Variants in MYO1C observed in about 807,000 individuals in gnomAD.
The protein encoded by MYO1C is myosin IC.
MYO1C carries 104 observed loss-of-function variants against 150.8 expected under a neutral mutation model. The ratio of observed to expected loss-of-function variants is 0.69; its 90% CI spans 0.59 to 0.81. MYO1C has a LOEUF of 0.81. Ranked by LOEUF, MYO1C falls within the 30% of genes least tolerant of loss-of-function variation. The probability of loss-of-function intolerance (pLI) is 0.00; values close to 1 mark genes in which losing one functional copy is unlikely to be tolerated. For missense variants in MYO1C, 1,504 were observed against 1,435.0 expected (o/e 1.05, Z -0.78); for synonymous variants, 663 against 579.9 (o/e 1.14, Z -2.06).
Position 1,471,102 on chromosome 17 carries a change from C to A in MYO1C, c.2181G>T (p.Glu727Asp). The A allele has an allele frequency of 6.2e-7, 1 of 1,614,164 alleles. No individual in the cohort carries two copies. The highest frequency in any genetic ancestry group is 8.5e-7 in the Non-Finnish European group (1 of 1,180,010). ...IRFPKTLFAT[E>D]DALEVRRQSL... ...TCTGCCGCCGGACCTCCAGGGCATC[C>A]TCTGTGGCAAACAGGGTCTTGGGGA... Residue 727 changes from glutamate to aspartate, a missense_variant, in exon 21 of 32, where the codon GAG (glutamate) becomes GAT (aspartate). Transcript: ENST00000648651.
intron 25 of MYO1C, chr17:1,469,150 CAGACCGGGGTAAACAGAGT>C (rs1221729436): frequency 1.9e-4 from 68 of 349,900 alleles, no homozygotes; most frequent in African/African-American, 2.8e-4. Flanking sequence ...GTAAATAGAG[CAGACCGGGGTAAACAGAGT>C]AGACCGGGGT....
At chr17:1,483,338 T>C (rs1416929332) in intron 3 of MYO1C, among the ~76,000 whole-genome samples, 2 of 150,672 alleles carry the variant, frequency 1.3e-5, no homozygotes, top group African/African-American at 4.9e-5. Flanking sequence ...GGGGGGGGTC[T>C]TTGCAGGTGG....
At chr17:1,489,379 C>T (rs139736728) in intron 1 of MYO1C, among the ~76,000 whole-genome samples, 3 of 152,190 alleles carry the variant, frequency 2.0e-5, no homozygotes, top group East Asian at 1.9e-4. Context: ...GTCCAGCAAA[C>T]GTGAACAGAG....
At chr17:1,466,652 T>C (rs2074177820) in intron 31 of MYO1C, among the ~76,000 whole-genome samples, 2 of 132,336 alleles carry the variant, frequency 1.5e-5, no homozygotes, top group Admixed American at 8.0e-5. Context: ...TGAGATGACA[T>C]CTCACTCTGT....
At position 1,482,899 on chromosome 17, in the gene MYO1C, C is replaced by G. The variant is rs146251319; in HGVS notation, c.508G>C (p.Val170Leu). Residue 170 changes from valine to leucine, a missense_variant, in exon 4 of 32, where the codon GTG becomes CTG. Val to Leu is a conservative substitution (Grantham distance 32). Transcript: ENST00000648651. ...TTGCTCTGTAGCAGCCGGTCCCGCACGGCACCTCCGCGCTCGGGGGCTGGG... is the reference window on the plus strand; with the variant it reads ...TTGCTCTGTAGCAGCCGGTCCCGCAGGGCACCTCCGCGCTCGGGGGCTGGG... ...TCPAPERGGA[V>L]RDRLLQSNPV... 6.8e-6 allele frequency: 11 copies of G among 1,611,822 alleles called. No individual in the cohort carries two copies. The highest frequency in any genetic ancestry group is 4.0e-5 in the African/African-American group (3 of 74,808).
In MYO1C at chr17:1,481,088, C is replaced by T. The variant is rs546619556; in HGVS notation, c.628-203G>A. 130 of 598,082 alleles carry T rather than the reference C, an allele frequency of 2.2e-4. 1 individual carries two copies. The highest frequency in any genetic ancestry group is 4.5e-4 in the Middle Eastern group (1 of 2,216). 37.0% of individuals were successfully genotyped at this position (598,082 alleles called of 1,614,324 possible). A position where few individuals can be genotyped will look rare whatever the true frequency, so the allele number is the denominator to read the frequency against. ...AGGAAATGGGGAGATTCAACTCCAA[C>T]GACCTGGCTGCTCCACCTGGATGCC... On this transcript the variant is annotated intron_variant, in intron 5 of 31. Coordinates refer to ENST00000648651, the MANE Select transcript of MYO1C (RefSeq NM_001080779.2).
chr17:1,470,126 C>T, intron 24 of MYO1C, 49 bp downstream of exon 24: 1 of 1,562,498 alleles, frequency 6.4e-7, no homozygotes. Flanking sequence ...TCAGACCCTT[C>T]TGCTGTGTAC....
At chr17:1,491,251 C>T (rs1317982558) in intron 1 of MYO1C, 1 of 152,308 alleles carries the variant, frequency 6.6e-6, no homozygotes, top group African/African-American at 2.4e-5. Context: ...CGCGCTGGGC[C>T]CCAGGGGCGG....
intron 16 of MYO1C, 32 bp downstream of exon 16, chr17:1,474,774 TCCCCAC>T: frequency 6.3e-7 from 1 of 1,597,326 alleles, no homozygotes; most frequent in Non-Finnish European, 8.6e-7. Context: ...CTGTGGGCTA[TCCCCAC>T]CCCCACCCCG....
In MYO1C at chr17:1,467,460, G is replaced by C. The variant is rs202083297; in HGVS notation, c.3065+20C>G. On this transcript the variant is annotated intron_variant, in intron 30 of 31. Coordinates refer to ENST00000648651, the MANE Select transcript of MYO1C (RefSeq NM_001080779.2). ...CCCTCGCCACCCCCGCCCTGTCCCC[G>C]GGGGCCGCCCGCGCCTCACCTGCCC... 1.3e-3 allele frequency: 2,090 copies of C among 1,597,612 alleles called. 37 individuals carry two copies. Among genetic ancestry groups the C allele is most frequent in the Non-Finnish European group, 2.8e-4 (327 of 1,173,762 alleles).
chr17:1,479,651 C>T lies in MYO1C; in HGVS notation c.961G>A (p.Ala321Thr). The T allele has an allele frequency of 6.2e-7, 1 of 1,613,640 alleles. No individual in the cohort carries two copies. The highest frequency in any genetic ancestry group is 8.5e-7 in the Non-Finnish European group (1 of 1,179,904). The change falls in exon 8 of 32, where the codon GCC (alanine) becomes ACC (threonine). Residue 321 changes from alanine to threonine, a missense_variant. Physicochemically the swap from Ala to Thr is moderately conservative, Grantham distance 58 (BLOSUM62 0). Coordinates refer to ENST00000648651, the MANE Select transcript of MYO1C (RefSeq NM_001080779.2). The surrounding 1 kb of genome is among the most constrained non-coding windows in gnomAD (Gnocchi z 4.2). ...ACCTGGGCATTGCTCTCCTCGTTGG[C>T]AGCAAAGTGGATGTTGCCCAAATGA... ...VLHLGNIHFA[A>T]NEESNAQVTT...
Position 1,485,217 on chromosome 17 carries a change from C to A in MYO1C, c.76-914G>T. 4.2e-6 allele frequency: 5 copies of A among 1,176,892 alleles called. No homozygotes were observed. In the South Asian group the frequency reaches 7.9e-5, roughly 19 times the overall value. 72.9% of individuals were successfully genotyped at this position (1,176,892 alleles called of 1,614,324 possible). ...CCCCACAACCAGGGCTGAGATGGATCCCTCTTCAAACAGGGTCTCAGGGCT... is the reference window on the plus strand; with the variant it reads ...CCCCACAACCAGGGCTGAGATGGATACCTCTTCAAACAGGGTCTCAGGGCT... On this transcript the variant is annotated intron_variant, in intron 1 of 31. Coordinates refer to ENST00000648651, the MANE Select transcript of MYO1C (RefSeq NM_001080779.2).
At chr17:1,484,090 T>A in intron 2 of MYO1C, 58 bp downstream of exon 2, 1 of 1,568,754 alleles carries the variant, frequency 6.4e-7, no homozygotes, top group Non-Finnish European at 8.7e-7. Flanking sequence ...CTCTTTCCCC[T>A]CCGCTTGCCT....
rs979635545 is a variant in MYO1C at position 1,479,727 on chromosome 17, A to G, written c.907-22T>C. On this transcript the variant is annotated intron_variant, in intron 7 of 31. Coordinates refer to ENST00000648651, the MANE Select transcript of MYO1C (RefSeq NM_001080779.2). This position sits in a 1 kb window ranked among gnomAD's most constrained non-coding sequence, Gnocchi z 4.2. ...GGTCCTGGGGGAGCAGGCCGGGGGCAGGAGGGGGTGAGAGGGGCCAGAGAG... is the reference window on the plus strand; with the variant it reads ...GGTCCTGGGGGAGCAGGCCGGGGGCGGGAGGGGGTGAGAGGGGCCAGAGAG... 1.3e-6 allele frequency: 2 copies of G among 1,580,318 alleles called. No individual in the cohort carries two copies. Among genetic ancestry groups the G allele is most frequent in the Non-Finnish European group, 1.7e-6 (2 of 1,158,076 alleles).
At chr17:1,482,103 G>C (rs1334141271) in intron 5 of MYO1C, among the ~76,000 whole-genome samples, 1 of 152,054 alleles carries the variant, frequency 6.6e-6, no homozygotes, top group African/African-American at 2.4e-5. Context: ...CTGGAGTACA[G>C]TGGCATGATC....
rs561757667 is a variant in MYO1C at position 1,468,481 on chromosome 17, C to T, written c.2626G>A (p.Val876Met). The part of the protein sequence containing the change: ...EWKQQLQQKA[V>M]ASEIFKGKKD... Reference sequence around the variant, plus strand: ...TTGCCCTTGAAGATCTCACTAGCCACGGCCTTCTGCTGCAGCTGAGGAGAC... The same window carrying T: ...TTGCCCTTGAAGATCTCACTAGCCATGGCCTTCTGCTGCAGCTGAGGAGAC... The change falls in exon 26 of 32, where the codon GTG (valine) becomes ATG (methionine). Residue 876 changes from valine (V) to methionine (M), a missense_variant. By Grantham distance (21) the Val-to-Met change is conservative (BLOSUM62 1). Transcript: ENST00000648651. 21 of 1,613,696 alleles carry T rather than the reference C, an allele frequency of 1.3e-5. No individual in the cohort carries two copies. Among genetic ancestry groups the T allele is most frequent in the East Asian group, 4.5e-5 (2 of 44,866 alleles).
intron 14 of MYO1C, among the ~76,000 whole-genome samples, chr17:1,476,788 G>C (rs1328071753): frequency 6.6e-6 from 1 of 151,654 alleles, no homozygotes; most frequent in Non-Finnish European, 1.5e-5. Flanking sequence ...ATCTTAGCAA[G>C]TTTCATTCTC....
chr17:1,472,244 G>A lies in MYO1C; in HGVS notation c.1798-16C>T. On this transcript the variant is annotated splice_polypyrimidine_tract_variant and intron_variant, in intron 17 of 31. Coordinates refer to ENST00000648651, the MANE Select transcript of MYO1C (RefSeq NM_001080779.2). ...GGGTGGCGACCTGGCGAGCCAAGAG[G>A]CATGGGAGGTTGGCCGGAGCTGGGC... is the stretch of plus-strand genomic sequence containing the variant. The A allele has an allele frequency of 6.2e-7, 1 of 1,612,228 alleles. No individual in the cohort carries two copies. The highest frequency in any genetic ancestry group is 8.5e-7 in the Non-Finnish European group (1 of 1,178,354).
chr17:1,479,537 A>ACCCCCCCCCCCCCCCCC lies in MYO1C; in HGVS notation c.1021-36_1021-35insGGGGGGGGGGGGGGGGG. Reference sequence around the variant, plus strand: ...GCAGGCGAGGACACGGTGAGGGTGCACCCCCAGCCCCCGCCCCCGCCGTCC... The same window carrying ACCCCCCCCCCCCCCCCC: ...GCAGGCGAGGACACGGTGAGGGTGCACCCCCCCCCCCCCCCCCCCCCCAGCCCCCGCCCCCGCCGTCC... On this transcript the variant is annotated intron_variant, in intron 8 of 31. Transcript: ENST00000648651. The surrounding 1 kb of genome is among the most constrained non-coding windows in gnomAD (Gnocchi z 4.2). The ACCCCCCCCCCCCCCCCC allele has an allele frequency of 2.0e-6, 3 of 1,470,824 alleles. No homozygotes were observed. The highest frequency in any genetic ancestry group is 2.8e-6 in the Non-Finnish European group (3 of 1,072,232). The allele number at this position is 1,470,824 out of a possible 1,614,324, so 91.1% of individuals were successfully genotyped here.
Sources: gnomAD v4.1 joint callset for allele counts (sites outside exome capture counted in the v4.1 genomes callset) on GRCh38, gnomAD v4.1.1 for gene constraint, Gnocchi (gnomAD v3.1) non-coding constraint, MANE v1.5 for transcripts, NCBI Gene and HGNC (gene_info 2026-07-23, HGNC 2026-07-21) for gene names.